AAMDC: variants seen among roughly 807,000 people sequenced by gnomAD.
AAMDC encodes adipogenesis associated Mth938 domain containing.
AAMDC carries 16 observed loss-of-function variants against 15.5 expected under a neutral mutation model. The ratio of observed to expected loss-of-function variants is 1.03; its 90% CI spans 0.70 to 1.57. The LOEUF is 1.57. Ranked by LOEUF, AAMDC falls within the 40% of genes most tolerant of loss-of-function variation. The pLI is 0.00. For missense variants in AAMDC, 141 were observed against 144.9 expected (o/e 0.97, Z 0.14); for synonymous variants, 51 against 51.6 (o/e 0.99, Z 0.05).
At chr11:77,840,805 T>C (rs764642162) in intron 1 of AAMDC, among the ~76,000 whole-genome samples, 1 of 152,090 alleles carries the variant, frequency 6.6e-6, no homozygotes, top group Non-Finnish European at 1.5e-5. Context: ...TTAGATAACA[T>C]ATTGTAGGAC....
chr11:77,851,769 A>T (rs1950394183), intron 2 of AAMDC, among the ~76,000 whole-genome samples: 1 of 152,104 alleles, frequency 6.6e-6, no homozygotes, highest in Admixed American at 6.6e-5. Context: ...GCCTCCTCAG[A>T]AGTCAAGCAG....
intron 5 of AAMDC, among the ~76,000 whole-genome samples, chr11:77,887,550 T>C (rs372138743): frequency 2.0e-5 from 3 of 152,158 alleles, no homozygotes; most frequent in Non-Finnish European, 4.4e-5. Flanking sequence ...CTATTCAACA[T>C]AGTGTTGGAA....
rs1369949998 is a variant in AAMDC at position 77,883,922 on chromosome 11, T to C, written c.328+6873T>C. The C allele has an allele frequency of 1.9e-6, 3 of 1,613,222 alleles. No individual in the cohort carries two copies. The South Asian group carries it at 3.3e-5, about 18-fold the overall frequency. On this transcript the variant is annotated intron_variant, in intron 5 of 5. Transcript: ENST00000304716. ...CGGAAGTCTGCAGGCTTGGGGTGAA[T>C]CATCTGAGCCTGGCCATCTGGATAT... is the stretch of plus-strand genomic sequence containing the variant.
intron 2 of AAMDC, 146 bp from the exon 3 acceptor site, chr11:77,869,576 C>G: frequency 1.4e-6 from 1 of 711,740 alleles, no homozygotes; most frequent in Non-Finnish European, 2.4e-6. Context: ...GTCAGCCTTC[C>G]TAAGTGCCTT....
At position 77,896,652 on chromosome 11, in the gene AAMDC, CA is replaced by C. The variant is rs58549095; in HGVS notation, c.329-3902del. Among the ~76,000 whole-genome samples, 304 of 70,702 alleles carry C rather than the reference CA, an allele frequency of 4.3e-3. 1 individual carries two copies. The highest frequency in any genetic ancestry group is 9.4e-3 in the African/African-American group (209 of 22,296). The allele number at this position is 70,702 out of a possible 152,430, so 46.4% of individuals were successfully genotyped here. On this transcript the variant is annotated intron_variant, in intron 5 of 5. Coordinates refer to the AAMDC transcript ENST00000304716. ...GGGCATCAAGAGCAAAACTCCGTCT[CA>C]AAAAAAAAAAAAAAAAGAATTTACT...
At chr11:77,901,482 G>T (rs747752113), downstream of AAMDC, 1 of 1,612,986 alleles carries the variant, frequency 6.2e-7, no homozygotes, top group South Asian at 1.1e-5. Context: ...CTCATGTGAT[G>T]TATAATCACC....
At chr11:77,854,446 A>C (rs565455367) in intron 2 of AAMDC, among the ~76,000 whole-genome samples, 2 of 152,366 alleles carry the variant, frequency 1.3e-5, no homozygotes, top group East Asian at 3.9e-4. Context: ...GCATTGGCTA[A>C]ATACTTCCAT....
chr11:77,836,746 G>A (rs1184607343), intron 1 of AAMDC, among the ~76,000 whole-genome samples: 9 of 152,168 alleles, frequency 5.9e-5, no homozygotes, highest in South Asian at 4.1e-4. Context: ...CGGGTGGATC[G>A]CCTGAGGCTG....
At position 77,842,529 on chromosome 11, in the gene AAMDC, G is replaced by A; in HGVS notation, c.33G>A (p.Trp11Ter). 6.2e-7 allele frequency: 1 copy of A among 1,613,848 alleles called. No individual in the cohort carries two copies. The highest frequency in any genetic ancestry group is 8.5e-7 in the Non-Finnish European group (1 of 1,179,968). The change falls in exon 2 of 4, where the codon TGG (tryptophan) becomes TGA (stop). Residue 11 changes from tryptophan (W) to a stop codon, truncating the protein, a stop_gained. Transcript: ENST00000393427. LOFTEE classifies it high-confidence loss of function. ...CCCCTGAAATTGCTTCCTTATCATG[G>A]GGGCAAATGAAAGTAAAAGGCTCTA... is the stretch of plus-strand genomic sequence containing the variant. Reference protein sequence around the residue: MTSPEIASLSWGQMKVKGSNT... With the variant: MTSPEIASLS
intron 2 of AAMDC, among the ~76,000 whole-genome samples, chr11:77,852,437 T>C (rs1359282590): frequency 6.6e-6 from 1 of 152,054 alleles, no homozygotes; most frequent in African/African-American, 2.4e-5. Flanking sequence ...GATTCAGAAT[T>C]CAAACTTCAA....
intron 3 of AAMDC, 25 bp from the exon 4 acceptor site, chr11:77,872,150 A>C: frequency 6.2e-7 from 1 of 1,605,372 alleles, no homozygotes; most frequent in Non-Finnish European, 8.5e-7. Flanking sequence ...CCCCCTACTT[A>C]CTCATCTCTT....
At chr11:77,884,059 C>T in intron 5 of AAMDC, 2 of 1,140,642 alleles carry the variant, frequency 1.8e-6, no homozygotes, top group Non-Finnish European at 1.2e-6. Flanking sequence ...AACATGACAC[C>T]AACTTTACTA....
chr11:77,898,554 C>T (rs1952632598), intron 5 of AAMDC, among the ~76,000 whole-genome samples: 1 of 152,182 alleles, frequency 6.6e-6, no homozygotes, highest in Non-Finnish European at 1.5e-5. Flanking sequence ...ATTAGATCAC[C>T]TTGATCTTAG....
At chr11:77,850,778 A>G (rs1226786141) in intron 2 of AAMDC, 1 of 48,374 alleles carries the variant, frequency 2.1e-5, no homozygotes, top group Non-Finnish European at 3.9e-5. Flanking sequence ...ACACACATAC[A>G]CACACATACA....
At chr11:77,860,626 A>C (rs570977218) in intron 2 of AAMDC, among the ~76,000 whole-genome samples, 8 of 152,334 alleles carry the variant, frequency 5.3e-5, no homozygotes, top group African/African-American at 1.9e-4. Flanking sequence ...GAACTGGCTC[A>C]AGTCTTGGGC....
chr11:77,897,577 T>C (rs1952581747), intron 5 of AAMDC, among the ~76,000 whole-genome samples: 2 of 151,438 alleles, frequency 1.3e-5, no homozygotes, highest in Admixed American at 1.3e-4. Context: ...CTCAGCTCAC[T>C]GCAAGCTCCA....
chr11:77,852,260 CAAAGAAAAAG>C (rs1417731408), intron 2 of AAMDC, among the ~76,000 whole-genome samples: 1 of 116,920 alleles, frequency 8.6e-6, no homozygotes, highest in Non-Finnish European at 1.9e-5. Flanking sequence ...AGAAGAAGTT[CAAAGAAAAAG>C]AAAGAAAAAG....
At chr11:77,877,524 G>A (rs1951632322) in intron 5 of AAMDC, among the ~76,000 whole-genome samples, 1 of 152,230 alleles carries the variant, frequency 6.6e-6, no homozygotes, top group Non-Finnish European at 1.5e-5. Context: ...CTGAGGCAGA[G>A]AGAGCTGAAG....
At chr11:77,877,123 T>TCGTGGAAATAGACTG, downstream of AAMDC, 1 of 682,894 alleles carries the variant, frequency 1.5e-6, no homozygotes, top group South Asian at 1.6e-5. Context: ...ACTCATGACC[T>TCGTGGAAATAGACTG]CGTGGAAATA....
Sources: allele counts gnomAD v4.1 joint callset (sites outside exome capture counted in the v4.1 genomes callset), GRCh38; gene constraint gnomAD v4.1.1; transcripts MANE v1.5; gene names NCBI Gene and HGNC (gene_info 2026-07-23, HGNC 2026-07-21).